The following FBF1 variants were observed in gnomAD, a reference collection of about 807,000 sequenced individuals.
FBF1 encodes Fas binding factor 1.
In FBF1, 119 loss-of-function variants were observed where a neutral mutation model predicts 147.2. The observed-to-expected ratio is 0.81, with a 90% CI of 0.70 to 0.94. FBF1 has a LOEUF of 0.94. Among genes scored for constraint, FBF1 ranks in the 40% least tolerant of loss-of-function variants. The pLI is 0.00. For missense variants in FBF1, 1,449 were observed against 1,500.8 expected (o/e 0.97, Z 0.57); for synonymous variants, 601 against 609.0 (o/e 0.99, Z 0.19).
chr17:75,914,798 C>T lies in FBF1; in HGVS notation c.2763G>A (p.Arg921=). Residue 921 remains arginine, a synonymous_variant, in exon 25 of 30, where the codon CGG becomes CGA. Coordinates refer to ENST00000636174, the MANE Select transcript of FBF1 (RefSeq NM_001319193.2). ...CCCGCTGGGTGTCCACCTGCAATGC[C>T]CGCTCGGCCTCGCGCTCGGCCCGCT... The part of the protein sequence containing the change: ...SKERAEREAE[R]ALQVDTQREG... 6.4e-7 allele frequency: 1 copy of T among 1,564,498 alleles called. No individual in the cohort carries two copies. The highest frequency in any genetic ancestry group is 1.9e-5 in the Admixed American group (1 of 52,052).
rs1243480583 is a variant in FBF1 at position 75,937,874 on chromosome 17, G to A, written c.3+273C>T. On this transcript the variant is annotated intron_variant, in intron 2 of 29. Coordinates refer to ENST00000636174, the MANE Select transcript of FBF1 (RefSeq NM_001319193.2). ...CAAACCCTCCCAGCCGAGATGTCATGTGACCGGAAATGTCTTCTATTCCGT... is the reference window on the plus strand; with the variant it reads ...CAAACCCTCCCAGCCGAGATGTCATATGACCGGAAATGTCTTCTATTCCGT... 3 of 626,956 alleles carry A rather than the reference G, an allele frequency of 4.8e-6. No homozygotes were observed. The African/African-American group carries it at 5.5e-5, about 12-fold the overall frequency. 38.8% of individuals were successfully genotyped at this position (626,956 alleles called of 1,614,324 possible).
At chr17:75,926,714 T>A in intron 10 of FBF1, 44 bp downstream of exon 10, 11 of 1,582,764 alleles carry the variant, frequency 6.9e-6, no homozygotes, top group Non-Finnish European at 9.5e-6. Flanking sequence ...TTGTTGCCAA[T>A]AAACTCTTCC....
chr17:75,923,650 C>T lies in FBF1; in HGVS notation c.969-9G>A. 3 of 1,583,488 alleles carry T rather than the reference C, an allele frequency of 1.9e-6. No individual in the cohort carries two copies. Among genetic ancestry groups the T allele is most frequent in the Non-Finnish European group, 2.6e-6 (3 of 1,164,064 alleles). ...TGTCTGCGAAGAACCTACTTCAAGA[C>T]AGAAAGGAGGGTGTCAGGCAGGGGA... is the stretch of plus-strand genomic sequence containing the variant. On this transcript the variant is annotated splice_polypyrimidine_tract_variant and intron_variant, in intron 13 of 29. Coordinates refer to ENST00000636174, the MANE Select transcript of FBF1 (RefSeq NM_001319193.2). The surrounding 1 kb of genome is among the most constrained non-coding windows in gnomAD (Gnocchi z 4.1).
At chr17:75,939,409 C>A (rs1054078155) in intron 1 of FBF1, among the ~76,000 whole-genome samples, 12 of 151,670 alleles carry the variant, frequency 7.9e-5, no homozygotes, top group Admixed American at 3.3e-4. Context: ...AAAGCCGATG[C>A]AGCAAGTGGC....
At chr17:75,929,381 A>AGG (rs2065581026) in intron 7 of FBF1, among the ~76,000 whole-genome samples, 1 of 152,174 alleles carries the variant, frequency 6.6e-6, no homozygotes, top group Non-Finnish European at 1.5e-5. Context: ...AGAGCCCCAC[A>AGG]GGGCTGTAAC....
chr17:75,926,563 C>T lies in FBF1; in HGVS notation c.596-137G>A, dbSNP rs373399690. On this transcript the variant is annotated intron_variant, in intron 10 of 29. Coordinates refer to ENST00000636174, the MANE Select transcript of FBF1 (RefSeq NM_001319193.2). Reference sequence around the variant, plus strand: ...GACCTGCCTGGTCTGTCCACGGGACCCAATTCCTCCAGCCTACTCCCAGAC... The same window carrying T: ...GACCTGCCTGGTCTGTCCACGGGACTCAATTCCTCCAGCCTACTCCCAGAC... 11 of 1,369,136 alleles carry T rather than the reference C, an allele frequency of 8.0e-6. No homozygotes were observed. In the East Asian group the frequency reaches 1.0e-4, roughly 12 times the overall value. The allele number at this position is 1,369,136 out of a possible 1,614,324, so 84.8% of individuals were successfully genotyped here.
At chr17:75,911,608 T>C (rs1034967176) in intron 29 of FBF1, among the ~76,000 whole-genome samples, 1 of 152,142 alleles carries the variant, frequency 6.6e-6, no homozygotes, top group Non-Finnish European at 1.5e-5. Flanking sequence ...AGCCTCGACC[T>C]CCCGGGCTTA....
chr17:75,913,299 C>T (rs1280416519), intron 28 of FBF1, among the ~76,000 whole-genome samples: 2 of 151,756 alleles, frequency 1.3e-5, no homozygotes, highest in African/African-American at 2.4e-5. Flanking sequence ...CGGGCACCTG[C>T]CACCACACCC....
At position 75,937,698 on chromosome 17, in the gene FBF1, G is replaced by A. The variant is rs1053554996; in HGVS notation, c.4-105C>T. 1.0e-5 allele frequency: 12 copies of A among 1,159,362 alleles called. No homozygotes were observed. The South Asian group carries it at 1.3e-4, about 12-fold the overall frequency. 71.8% of individuals were successfully genotyped at this position (1,159,362 alleles called of 1,614,324 possible). Reference sequence around the variant, plus strand: ...GTTGCCTTTTGCCAAGTAACCAGAGGCAAGAGCACCAATGGCATTTAGAGA... The same window carrying A: ...GTTGCCTTTTGCCAAGTAACCAGAGACAAGAGCACCAATGGCATTTAGAGA... On this transcript the variant is annotated intron_variant, in intron 2 of 29. Transcript: ENST00000636174.
At chr17:75,921,649 G>C in intron 15 of FBF1, 89 bp from the exon 16 acceptor site, 1 of 903,658 alleles carries the variant, frequency 1.1e-6, no homozygotes, top group Non-Finnish European at 1.7e-6. Flanking sequence ...TGGGACATGG[G>C]GACGGGGCAG....
At chr17:75,935,155 A>C (rs1275317304) in intron 4 of FBF1, among the ~76,000 whole-genome samples, 2 of 151,668 alleles carry the variant, frequency 1.3e-5, no homozygotes, top group African/African-American at 4.9e-5. Context: ...ATGCTATATA[A>C]ATTACATCTC....
intron 2 of FBF1, 95 bp downstream of exon 2, chr17:75,938,052 C>T: frequency 6.4e-7 from 1 of 1,564,856 alleles, no homozygotes; most frequent in Non-Finnish European, 8.7e-7. Flanking sequence ...CCTTGCCGCC[C>T]AGCCCCCAGA....
At position 75,928,075 on chromosome 17, in the gene FBF1, C is replaced by A; in HGVS notation, c.397+1G>T. The A allele has an allele frequency of 6.2e-7, 1 of 1,612,978 alleles. No homozygotes were observed. Among genetic ancestry groups the A allele is most frequent in the African/African-American group, 1.3e-5 (1 of 75,032 alleles). The stretch of plus-strand genomic sequence containing the variant: ...ACCTTTCTCACTGGCTACTGACCCA[C>A]CTGCAGGCTTGGGGTGGTTGGGCAG... On this transcript the variant is annotated splice_donor_variant, in intron 8 of 29. Transcript: ENST00000636174. LOFTEE classifies it high-confidence loss of function. This position sits in a 1 kb window ranked among gnomAD's most constrained non-coding sequence, Gnocchi z 4.2.
chr17:75,917,415 C>A (rs73354094), intron 23 of FBF1, among the ~76,000 whole-genome samples: 4 of 152,206 alleles, frequency 2.6e-5, no homozygotes, highest in Non-Finnish European at 5.9e-5. Context: ...GTGACAGATT[C>A]GAGTGTCAGG....
intron 29 of FBF1, 35 bp downstream of exon 29, chr17:75,912,157 G>A: frequency 6.4e-7 from 1 of 1,567,112 alleles, no homozygotes; most frequent in South Asian, 1.2e-5. Flanking sequence ...AAGGACTCGT[G>A]AACACAAGGA....
Position 75,913,971 on chromosome 17 carries a change from A to C in FBF1, c.3071T>G (p.Leu1024Trp). Reference protein sequence around the residue: ...QQVQAEQQARLQAVQQQQERL... With the variant: ...QQVQAEQQARWQAVQQQQERL... ...CTCCTGCTGTTGCTGCACCGCCTGC[A>C]ACCGGGCCTGCTGCTCTGCCTGCAC... is the stretch of plus-strand genomic sequence containing the variant. Residue 1024 changes from leucine (L) to tryptophan (W), a missense_variant, in exon 27 of 30, where the codon TTG becomes TGG. Leu to Trp is a moderately conservative substitution (Grantham distance 61). Transcript: ENST00000636174. 6.4e-7 allele frequency: 1 copy of C among 1,560,334 alleles called. No individual in the cohort carries two copies. Among genetic ancestry groups the C allele is most frequent in the Non-Finnish European group, 8.6e-7 (1 of 1,159,472 alleles).
In FBF1 at chr17:75,935,606, G is replaced by A. The variant is rs967810322; in HGVS notation, c.73+26C>T. On this transcript the variant is annotated intron_variant, in intron 4 of 29. Transcript: ENST00000636174. Reference sequence around the variant, plus strand: ...AAAGCAACAGCAGCAGCCCAAATTAGGGGATTCTGGGCAAGGCACACTTAC... The same window carrying A: ...AAAGCAACAGCAGCAGCCCAAATTAAGGGATTCTGGGCAAGGCACACTTAC... 5 of 1,533,134 alleles carry A rather than the reference G, an allele frequency of 3.3e-6. No homozygotes were observed. The African/African-American group carries it at 5.5e-5, about 17-fold the overall frequency. 95.0% of individuals were successfully genotyped at this position (1,533,134 alleles called of 1,614,324 possible).
In FBF1 at chr17:75,909,845, G is replaced by A. The variant is rs1283390505; in HGVS notation, c.*878C>T. 2.9e-6 allele frequency: 2 copies of A among 692,692 alleles called. No individual in the cohort carries two copies. The highest frequency in any genetic ancestry group is 5.3e-6 in the Non-Finnish European group (2 of 377,612). The allele number at this position is 692,692 out of a possible 1,614,324, so 42.9% of individuals were successfully genotyped here. ...AAGAAATAAGTATAAACTCCGATGA[G>A]CCATGGCAAAAGCAGTTTTTTTAAG... is the stretch of plus-strand genomic sequence containing the variant. On this transcript the variant is annotated 3_prime_UTR_variant, in exon 30 of 30. Coordinates refer to ENST00000636174, the MANE Select transcript of FBF1 (RefSeq NM_001319193.2).
chr17:75,918,542 G>C lies in FBF1; in HGVS notation c.2139-273C>G, dbSNP rs1351066236. On this transcript the variant is annotated intron_variant, in intron 20 of 29. Transcript: ENST00000636174. The surrounding 1 kb of genome is among the most constrained non-coding windows in gnomAD (Gnocchi z 5.8). Reference sequence around the variant, plus strand: ...CCAGAGTCTCTCACTCTGTCGCCCAGGCTGGAGTTCAGTGGCATGATCTCG... The same window carrying C: ...CCAGAGTCTCTCACTCTGTCGCCCACGCTGGAGTTCAGTGGCATGATCTCG... 6.6e-6 allele frequency among the ~76,000 whole-genome samples: 1 copy of C among 152,190 alleles called. No individual in the cohort carries two copies. Among genetic ancestry groups the C allele is most frequent in the African/African-American group, 2.4e-5 (1 of 41,446 alleles).
Sources: allele counts gnomAD v4.1 joint callset (sites outside exome capture counted in the v4.1 genomes callset), GRCh38; gene constraint gnomAD v4.1.1; non-coding constraint Gnocchi (gnomAD v3.1); transcripts MANE v1.5; gene names NCBI Gene and HGNC (gene_info 2026-07-23, HGNC 2026-07-21).